Variants in OPCML observed in about 807,000 individuals in gnomAD.
OPCML encodes opioid-binding protein/cell adhesion molecule.
Under a neutral mutation model 37.8 loss-of-function variants are expected in OPCML, and 13 were observed. The observed-to-expected ratio is 0.34, with a 90% CI of 0.22 to 0.55. The LOEUF (loss-of-function observed/expected upper bound fraction) is 0.55. Ranked by LOEUF, OPCML falls within the 20% of genes least tolerant of loss-of-function variation. OPCML has a pLI of 0.91. For synonymous variants in OPCML, 176 were observed against 168.8 expected, an observed-to-expected ratio of 1.04 and a Z score of -0.33; for missense variants, 341 against 435.6, an observed-to-expected ratio of 0.78 and a Z score of 1.93.
chr11:133,256,540 C>A (rs1031918150), intron 1 of OPCML, among the ~76,000 whole-genome samples: 1 of 152,012 alleles, frequency 6.6e-6, no homozygotes, highest in Non-Finnish European at 1.5e-5. Context: ...TATTTTATAA[C>A]CTTTATTGTG....
chr11:132,739,783 C>T (rs1945378384), intron 2 of OPCML, among the ~76,000 whole-genome samples: 1 of 152,158 alleles, frequency 6.6e-6, no homozygotes, highest in Admixed American at 6.5e-5. Flanking sequence ...CCAAAGCTAG[C>T]TTATCATCAT....
chr11:132,475,703 T>A (rs976182624), intron 4 of OPCML, among the ~76,000 whole-genome samples: 7 of 151,676 alleles, frequency 4.6e-5, no homozygotes, highest in African/African-American at 9.7e-5. Flanking sequence ...AAAAAAAAAA[T>A]ATTTCTGTTG....
chr11:132,607,143 C>T (rs961979343), intron 3 of OPCML, among the ~76,000 whole-genome samples: 3 of 152,342 alleles, frequency 2.0e-5, no homozygotes, highest in Admixed American at 2.0e-4. Context: ...AATGACAGGG[C>T]TTGGACTAAT....
At chr11:133,097,143 C>T (rs1294668456) in intron 1 of OPCML, among the ~76,000 whole-genome samples, 17 of 151,108 alleles carry the variant, frequency 1.1e-4, no homozygotes, top group Non-Finnish European at 7.4e-5. Context: ...CAGACCACAT[C>T]CAGAACTGAA....
intron 3 of OPCML, among the ~76,000 whole-genome samples, chr11:132,535,803 G>T (rs1157545072): frequency 6.6e-6 from 1 of 152,084 alleles, no homozygotes; most frequent in Non-Finnish European, 1.5e-5. Context: ...TCCTCCCCTA[G>T]GAGGAGTGTT....
intron 1 of OPCML, among the ~76,000 whole-genome samples, chr11:133,052,119 T>G (rs1948143390): frequency 6.6e-6 from 1 of 152,206 alleles, no homozygotes; most frequent in Non-Finnish European, 1.5e-5. Flanking sequence ...TTGATTAAAA[T>G]ACACCAAAAA....
intron 4 of OPCML, among the ~76,000 whole-genome samples, chr11:132,485,521 G>C (rs774366461): frequency 5.3e-5 from 8 of 152,146 alleles, no homozygotes; most frequent in Non-Finnish European, 1.2e-4. Context: ...ACTCCTTCAG[G>C]ACTGGTCCAG....
chr11:132,429,034 GGGATGGAT>G (rs71477763), intron 7 of OPCML, among the ~76,000 whole-genome samples: 44 of 146,574 alleles, frequency 3.0e-4, no homozygotes, highest in East Asian at 1.0e-3. Context: ...AATGGATGGA[GGGATGGAT>G]GGATGGATGG....
intron 3 of OPCML, among the ~76,000 whole-genome samples, chr11:132,649,952 C>G (rs1033421553): frequency 6.6e-6 from 1 of 151,542 alleles, no homozygotes; most frequent in Non-Finnish European, 1.5e-5. Flanking sequence ...CACACACACA[C>G]AGTTTTCATG....
At chr11:132,753,028 G>T (rs1945893059) in intron 2 of OPCML, among the ~76,000 whole-genome samples, 2 of 151,762 alleles carry the variant, frequency 1.3e-5, no homozygotes, top group Admixed American at 1.3e-4. Context: ...ATAATTTATA[G>T]CACCCAAATT....
chr11:132,877,339 A>C (rs996391813), intron 2 of OPCML, among the ~76,000 whole-genome samples: 1 of 152,188 alleles, frequency 6.6e-6, no homozygotes, highest in Non-Finnish European at 1.5e-5. Context: ...GGTAAAAGAA[A>C]AGGTGAGGTC....
intron 2 of OPCML, among the ~76,000 whole-genome samples, chr11:132,725,263 T>C (rs1038446758): frequency 1.3e-5 from 2 of 152,222 alleles, no homozygotes; most frequent in African/African-American, 2.4e-5. Context: ...CTCAACACCA[T>C]GTGGAAGCTG....
intron 1 of OPCML, among the ~76,000 whole-genome samples, chr11:133,516,065 A>T (rs1247392128): frequency 1.3e-5 from 2 of 152,076 alleles, no homozygotes; most frequent in Non-Finnish European, 2.9e-5. Context: ...CAGGGCGCTT[A>T]TCGGGAGAAA....
chr11:132,619,315 C>G (rs962509245), intron 3 of OPCML, among the ~76,000 whole-genome samples: 4 of 152,168 alleles, frequency 2.6e-5, no homozygotes, highest in African/African-American at 9.7e-5. Flanking sequence ...CTTCCTAATT[C>G]TGTAATAGAA....
chr11:132,515,062 C>T (rs754288129), intron 4 of OPCML, among the ~76,000 whole-genome samples: 6 of 152,110 alleles, frequency 3.9e-5, no homozygotes, highest in Non-Finnish European at 7.4e-5. Flanking sequence ...GTGTGAAGAG[C>T]AGAGGTGAGC....
chr11:133,311,936 A>G (rs778935448), intron 1 of OPCML, among the ~76,000 whole-genome samples: 1 of 152,118 alleles, frequency 6.6e-6, no homozygotes, highest in African/African-American at 2.4e-5. Flanking sequence ...GATATGGAAC[A>G]GACTTGATGT....
At chr11:133,403,976 A>G (rs1945467383) in intron 1 of OPCML, among the ~76,000 whole-genome samples, 1 of 152,198 alleles carries the variant, frequency 6.6e-6, no homozygotes, top group African/African-American at 2.4e-5. Flanking sequence ...GCTTTGAACC[A>G]TAGACATTTA....
intron 1 of OPCML, among the ~76,000 whole-genome samples, chr11:133,357,675 G>A (rs928926083): frequency 6.6e-6 from 1 of 152,154 alleles, no homozygotes; most frequent in Non-Finnish European, 1.5e-5. Context: ...TAAATTAGCT[G>A]CTGTGATGAT....
intron 2 of OPCML, among the ~76,000 whole-genome samples, chr11:132,842,699 GATTCATGCC>G (rs1188618642): frequency 6.6e-6 from 1 of 152,142 alleles, no homozygotes; most frequent in Non-Finnish European, 1.5e-5. Context: ...CCCATTCAAG[GATTCATGCC>G]AGCCCTGGTC....
Sources: gnomAD v4.1 joint callset for allele counts (sites outside exome capture counted in the v4.1 genomes callset) on GRCh38, gnomAD v4.1.1 for gene constraint, MANE v1.5 for transcripts, NCBI Gene and HGNC (gene_info 2026-07-23, HGNC 2026-07-21) for gene names.